ANKRD36: variants seen among roughly 807,000 people sequenced by gnomAD.
The protein encoded by ANKRD36 is ankyrin repeat domain 36.
A neutral mutation model predicts 278.1 loss-of-function variants in ANKRD36; 179 were observed. That is an observed-to-expected ratio of 0.64 (90% CI 0.57 to 0.73). The LOEUF (loss-of-function observed/expected upper bound fraction) is 0.73, where lower values mean the gene tolerates loss of function less well. Among genes scored for constraint, ANKRD36 ranks in the 30% least tolerant of loss-of-function variants. The pLI, the probability that ANKRD36 is intolerant of heterozygous loss-of-function variation, is 0.00. For synonymous variants in ANKRD36, 320 were observed against 641.1 expected (o/e 0.50, Z 7.57); for missense variants, 1,159 against 1,956.7 (o/e 0.59, Z 7.69).
intron 22 of ANKRD36, among the ~76,000 whole-genome samples, chr2:97,178,422 C>A (rs900897325): frequency 7.9e-5 from 12 of 151,790 alleles, no homozygotes; most frequent in African/African-American, 2.7e-4. Context: ...AGACTTGGAA[C>A]CAACCCAAAT....
chr2:97,149,954 G>A (rs1263178921), intron 12 of ANKRD36, among the ~76,000 whole-genome samples: 1 of 151,694 alleles, frequency 6.6e-6, no homozygotes, highest in Non-Finnish European at 1.5e-5. Context: ...TCATGTGCCT[G>A]TAGTCCCACC....
intron 20 of ANKRD36, among the ~76,000 whole-genome samples, 192 bp downstream of exon 20, chr2:97,164,661 C>T (rs1167770572): frequency 1.3e-5 from 2 of 152,304 alleles, no homozygotes; most frequent in Non-Finnish European, 2.9e-5. Context: ...ACACGGTGAG[C>T]TCTAGCCCAA....
intron 8 of ANKRD36, among the ~76,000 whole-genome samples, chr2:97,144,021 G>A (rs200662341): frequency 0.021 from 1,834 of 85,896 alleles, no homozygotes; most frequent in Admixed American, 0.031. Flanking sequence ...AGAGCACTTG[G>A]GAAGTGTACA....
chr2:97,225,326 C>G (rs2069089456), intron 67 of ANKRD36, among the ~76,000 whole-genome samples: 1 of 152,094 alleles, frequency 6.6e-6, no homozygotes, highest in African/African-American at 2.4e-5. Context: ...AATTTATTTT[C>G]CTTTTTGATC....
rs2055672074 is a variant in ANKRD36 at position 97,180,017 on chromosome 2, C to T, written c.1735+84C>T. Reference sequence around the variant, plus strand: ...TACCCAAATAAATCAGTGGGGAGTCCATCTAAGCTGCACGTTCTGATTCAG... The same window carrying T: ...TACCCAAATAAATCAGTGGGGAGTCTATCTAAGCTGCACGTTCTGATTCAG... On this transcript the variant is annotated intron_variant, in intron 24 of 75. Transcript: ENST00000420699. 1.5e-5 allele frequency: 23 copies of T among 1,579,944 alleles called. 2 individuals are homozygous for T. In the South Asian group the frequency reaches 2.4e-4, roughly 16 times the overall value.
At chr2:97,194,334 C>G (rs1244118846) in intron 38 of ANKRD36, among the ~76,000 whole-genome samples, 2 of 151,498 alleles carry the variant, frequency 1.3e-5, no homozygotes, top group East Asian at 3.9e-4. Context: ...GGTGTAAATC[C>G]TTTTGATTTG....
chr2:97,195,480 A>G (rs1437361866), intron 40 of ANKRD36, among the ~76,000 whole-genome samples: 7 of 152,152 alleles, frequency 4.6e-5, no homozygotes, highest in South Asian at 4.2e-4. Context: ...GAACATTTGC[A>G]TAAACAATAT....
At chr2:97,201,108 G>A (rs2061256816) in intron 46 of ANKRD36, among the ~76,000 whole-genome samples, 1 of 151,878 alleles carries the variant, frequency 6.6e-6, no homozygotes, top group Admixed American at 6.6e-5. Flanking sequence ...TTTGACTTTG[G>A]CAGCTCCAGC....
At chr2:97,159,754 A>G (rs1031176197) in intron 17 of ANKRD36, among the ~76,000 whole-genome samples, 5 of 151,138 alleles carry the variant, frequency 3.3e-5, no homozygotes, top group African/African-American at 1.2e-4. Context: ...AAATTAATTA[A>G]TACATAAATT....
At chr2:97,198,430 T>G (rs772277833) in intron 42 of ANKRD36, 33 bp from the exon 43 acceptor site, 1 of 1,569,274 alleles carries the variant, frequency 6.4e-7, no homozygotes, top group Admixed American at 1.9e-5. Context: ...CGTTTTTACA[T>G]ATGAGTGATT....
At chr2:97,213,130 G>C (rs1467947415) in intron 58 of ANKRD36, 1 of 380,142 alleles carries the variant, frequency 2.6e-6, no homozygotes, top group East Asian at 7.0e-5. Context: ...GATCACATTT[G>C]TCCTCATCAC....
Position 97,209,786 on chromosome 2 carries a change from C to T in ANKRD36, c.3295-14C>T. The stretch of plus-strand genomic sequence containing the variant: ...AGATACCTTACTTATTATTTCATTT[C>T]AAATTCCATTCAGGCTACAAGTGAC... On this transcript the variant is annotated splice_polypyrimidine_tract_variant and intron_variant, in intron 55 of 75. Coordinates refer to ENST00000420699, the MANE Select transcript of ANKRD36 (RefSeq NM_001354587.1). 1 of 1,598,950 alleles carries T rather than the reference C, an allele frequency of 6.3e-7. No homozygotes were observed. The highest frequency in any genetic ancestry group is 8.5e-7 in the Non-Finnish European group (1 of 1,175,170).
chr2:97,191,205 T>A (rs1326690662), intron 36 of ANKRD36, 24 bp downstream of exon 36: 2 of 1,564,756 alleles, frequency 1.3e-6, no homozygotes, highest in Non-Finnish European at 1.7e-6. Context: ...AGACATTTAA[T>A]GTCATATTCA....
chr2:97,202,844 A>T (rs1053693992), intron 48 of ANKRD36, among the ~76,000 whole-genome samples: 6 of 151,844 alleles, frequency 4.0e-5, no homozygotes, highest in African/African-American at 1.4e-4. Context: ...TTGCCAAAGA[A>T]GACGGATTGT....
At position 97,193,233 on chromosome 2, in the gene ANKRD36, C is replaced by T. The variant is rs572877026; in HGVS notation, c.2449+180C>T. The stretch of plus-strand genomic sequence containing the variant: ...TGCTGCTGGTCTGGAACATGATCTT[C>T]GCAGTAAGATTATACACTTCCCCAC... On this transcript the variant is annotated intron_variant, in intron 38 of 75. Transcript: ENST00000420699. Among the ~76,000 whole-genome samples the T allele has an allele frequency of 4.9e-5, 7 of 143,594 alleles. No individual in the cohort carries two copies. In the East Asian group the frequency reaches 1.2e-3, roughly 25 times the overall value. The allele number at this position is 143,594 out of a possible 152,430, so 94.2% of individuals were successfully genotyped here.
intron 48 of ANKRD36, 104 bp downstream of exon 48, chr2:97,202,497 T>C: frequency 6.7e-7 from 1 of 1,486,048 alleles, no homozygotes; most frequent in Non-Finnish European, 9.0e-7. Flanking sequence ...CACTTTCTGA[T>C]TCAGCAGGCT....
intron 22 of ANKRD36, among the ~76,000 whole-genome samples, chr2:97,174,563 A>G (rs2053654640): frequency 6.6e-6 from 1 of 151,840 alleles, no homozygotes; most frequent in East Asian, 1.9e-4. Context: ...TAATCATGTC[A>G]TCTGCAAACA....
intron 16 of ANKRD36, 66 bp from the exon 17 acceptor site, chr2:97,158,522 C>T (rs959879090): frequency 1.2e-4 from 177 of 1,503,256 alleles, no homozygotes; most frequent in Non-Finnish European, 1.5e-4. Context: ...CCCCCACACC[C>T]GGTTCTTATT....
At chr2:97,180,038 T>C in intron 24 of ANKRD36, 105 bp downstream of exon 24, 1 of 1,530,244 alleles carries the variant, frequency 6.5e-7, no homozygotes, top group Non-Finnish European at 8.9e-7. Context: ...CACGTTCTGA[T>C]TCAGTACACC....
Sources: allele counts gnomAD v4.1 joint callset (sites outside exome capture counted in the v4.1 genomes callset), GRCh38; gene constraint gnomAD v4.1.1; transcripts MANE v1.5; gene names NCBI Gene and HGNC (gene_info 2026-07-23, HGNC 2026-07-21).